The following KCNC2 variants were observed in gnomAD, a reference collection of about 807,000 sequenced individuals.
The protein encoded by KCNC2 is potassium voltage-gated channel subfamily C member 2.
A neutral mutation model predicts 44.5 loss-of-function variants in KCNC2; 21 were observed. The observed-to-expected ratio is 0.47, with a 90% CI of 0.33 to 0.68. The LOEUF is 0.68. Among genes scored for constraint, KCNC2 ranks in the 30% least tolerant of loss-of-function variants. KCNC2 has a pLI of 0.01. For missense variants in KCNC2, 589 were observed against 826.2 expected, an observed-to-expected ratio of 0.71 and a Z score of 3.52; for synonymous variants, 391 against 339.1, an observed-to-expected ratio of 1.15 and a Z score of -1.68.
intron 2 of KCNC2, among the ~76,000 whole-genome samples, chr12:75,174,464 G>A (rs1892046750): frequency 6.6e-6 from 1 of 151,772 alleles, no homozygotes; most frequent in Non-Finnish European, 1.5e-5. Context: ...TAAAATAGTA[G>A]CAAATGCCTA....
intron 2 of KCNC2, among the ~76,000 whole-genome samples, chr12:75,176,389 C>CA (rs1036496375): frequency 6.6e-6 from 1 of 151,982 alleles, no homozygotes; most frequent in African/African-American, 2.4e-5. Context: ...TTCCTCTGCT[C>CA]AAAACCTTTC....
rs184944798 is a variant in KCNC2 at position 75,080,781 on chromosome 12, G to C, written c.688-29464C>G. On this transcript the variant is annotated intron_variant, in intron 2 of 4. Transcript: ENST00000549446. ...CACGTCATTCTCTCTCTCCCCCTCC[G>C]CCCACCACACATTCACATGTGCATG... Among the ~76,000 whole-genome samples, 3 of 151,868 alleles carry C rather than the reference G, an allele frequency of 2.0e-5. No individual in the cohort carries two copies. In the East Asian group the frequency reaches 5.8e-4, roughly 29 times the overall value.
At chr12:75,068,760 C>T (rs1883090723) in intron 2 of KCNC2, among the ~76,000 whole-genome samples, 1 of 152,132 alleles carries the variant, frequency 6.6e-6, no homozygotes, top group South Asian at 2.1e-4. Context: ...GGGAAGTAAT[C>T]AATGACCAGA....
At chr12:75,126,220 G>A (rs1332594239) in intron 2 of KCNC2, among the ~76,000 whole-genome samples, 1 of 152,168 alleles carries the variant, frequency 6.6e-6, no homozygotes, top group Non-Finnish European at 1.5e-5. Context: ...CTACATTGAA[G>A]ATGGTAAAAC....
At chr12:75,126,098 C>T (rs1023176418) in intron 2 of KCNC2, among the ~76,000 whole-genome samples, 2 of 151,826 alleles carry the variant, frequency 1.3e-5, no homozygotes, top group Non-Finnish European at 2.9e-5. Flanking sequence ...ACTAAAAAAC[C>T]CGAGTCTCTC....
At chr12:75,147,887 G>A (rs963050971) in intron 2 of KCNC2, among the ~76,000 whole-genome samples, 1 of 152,098 alleles carries the variant, frequency 6.6e-6, no homozygotes. Context: ...AAAGTTTAGA[G>A]TTTGAAAGGC....
chr12:75,118,678 T>G (rs1244863447), intron 2 of KCNC2, among the ~76,000 whole-genome samples: 1 of 152,166 alleles, frequency 6.6e-6, no homozygotes, highest in Non-Finnish European at 1.5e-5. Flanking sequence ...TTATTCTAGT[T>G]AAGAAGGGAA....
chr12:75,082,890 A>G (rs1412897730), intron 2 of KCNC2, among the ~76,000 whole-genome samples: 2 of 151,780 alleles, frequency 1.3e-5, no homozygotes, highest in African/African-American at 4.8e-5. Flanking sequence ...CTGTACAGAT[A>G]GAGATAGAAC....
chr12:75,046,378 T>C (rs1338095345), intron 4 of KCNC2, among the ~76,000 whole-genome samples: 1 of 151,758 alleles, frequency 6.6e-6, no homozygotes, highest in East Asian at 1.9e-4. Context: ...CTTTTTCTCA[T>C]TCGTGATTTT....
chr12:75,068,032 G>A (rs531541638), intron 2 of KCNC2, among the ~76,000 whole-genome samples: 2 of 152,268 alleles, frequency 1.3e-5, no homozygotes, highest in Non-Finnish European at 2.9e-5. Context: ...TTCCAGGGAA[G>A]GAAACATTTG....
chr12:75,064,477 C>T (rs1226403944), intron 2 of KCNC2, among the ~76,000 whole-genome samples: 2 of 151,936 alleles, frequency 1.3e-5, no homozygotes, highest in Non-Finnish European at 2.9e-5. Context: ...ATAATGAATT[C>T]TGTTGATCAG....
chr12:75,146,690 C>G (rs1273280586), intron 2 of KCNC2, among the ~76,000 whole-genome samples: 1 of 152,186 alleles, frequency 6.6e-6, no homozygotes, highest in Non-Finnish European at 1.5e-5. Flanking sequence ...TGTGCCTCCT[C>G]AACTTCAATG....
intron 2 of KCNC2, among the ~76,000 whole-genome samples, chr12:75,086,093 C>G (rs1884971476): frequency 6.6e-6 from 1 of 151,984 alleles, no homozygotes; most frequent in South Asian, 2.1e-4. Context: ...ATGCTCTATT[C>G]ATATTCTAGG....
chr12:75,166,400 A>G (rs1891452832), intron 2 of KCNC2, among the ~76,000 whole-genome samples: 2 of 150,942 alleles, frequency 1.3e-5, no homozygotes, highest in Non-Finnish European at 3.0e-5. Flanking sequence ...TGGATGGAAC[A>G]TCTAGGCAGA....
chr12:75,208,077 C>T, intron 1 of KCNC2, 75 bp from the exon 2 acceptor site: 2 of 1,555,190 alleles, frequency 1.3e-6, no homozygotes, highest in Admixed American at 1.8e-5. Flanking sequence ...CACCACCAAC[C>T]CAGAGCGAGT....
At chr12:75,156,984 T>C (rs953806273) in intron 2 of KCNC2, among the ~76,000 whole-genome samples, 4 of 151,754 alleles carry the variant, frequency 2.6e-5, no homozygotes, top group African/African-American at 9.7e-5. Context: ...CTTCAAGAAA[T>C]ATTTAGAGAC....
At chr12:75,051,686 C>T (rs575544966) in intron 2 of KCNC2, among the ~76,000 whole-genome samples, 1 of 152,084 alleles carries the variant, frequency 6.6e-6, no homozygotes, top group South Asian at 2.1e-4. Context: ...GTTTATGATC[C>T]TAGAAATCTT....
At chr12:75,199,607 G>T (rs11831031) in intron 2 of KCNC2, among the ~76,000 whole-genome samples, 2,773 of 151,842 alleles carry the variant, frequency 0.018, 72 homozygotes, top group African/African-American at 0.063. Context: ...TGTTTTTTCT[G>T]TATTGTATTT....
intron 2 of KCNC2, among the ~76,000 whole-genome samples, chr12:75,138,979 T>TAAAAAAAAA (rs373729570): frequency 1.4e-3 from 112 of 77,910 alleles, no homozygotes; most frequent in East Asian, 4.7e-3. Context: ...AGACTCCGTG[T>TAAAAAAAAA]AAAAAAAAAA....
Sources: gnomAD v4.1 joint callset for allele counts (sites outside exome capture counted in the v4.1 genomes callset) on GRCh38, gnomAD v4.1.1 for gene constraint, MANE v1.5 for transcripts, NCBI Gene and HGNC (gene_info 2026-07-23, HGNC 2026-07-21) for gene names.